RBFOX1: variants seen among roughly 807,000 people sequenced by gnomAD.
The protein encoded by RBFOX1 is RNA binding protein fox-1 homolog 1.
A neutral mutation model predicts 57.7 loss-of-function variants in RBFOX1; 8 were observed. The observed-to-expected ratio is 0.14, with a 90% CI of 0.08 to 0.25. The LOEUF is 0.25. RBFOX1 is among the 10% of genes least tolerant of loss of function. The pLI is 1.00. For missense variants in RBFOX1, 611 were observed against 548.5 expected (o/e 1.11, Z -1.14); for synonymous variants, 326 against 222.4 (o/e 1.47, Z -4.15).
intron 4 of RBFOX1, among the ~76,000 whole-genome samples, chr16:7,464,328 C>G (rs760912807): frequency 5.9e-5 from 9 of 152,236 alleles, no homozygotes; most frequent in Middle Eastern, 3.4e-3. Flanking sequence ...AAAATGATCA[C>G]CATCGCAGGT....
intron 3 of RBFOX1, among the ~76,000 whole-genome samples, chr16:6,869,796 C>G (rs1458642866): frequency 6.6e-6 from 1 of 152,100 alleles, no homozygotes; most frequent in African/African-American, 2.4e-5. Flanking sequence ...TTTCCAATTA[C>G]TTAATTCTGG....
intron 1 of RBFOX1, among the ~76,000 whole-genome samples, chr16:5,267,934 C>G (rs1268365176): frequency 6.6e-6 from 1 of 152,128 alleles, no homozygotes; most frequent in African/African-American, 2.4e-5. Context: ...CAAAAATTAG[C>G]TTGGCATGGT....
At chr16:6,817,699 TC>T in intron 3 of RBFOX1, among the ~76,000 whole-genome samples, 1 of 151,536 alleles carries the variant, frequency 6.6e-6, no homozygotes, top group Non-Finnish European at 1.5e-5. Flanking sequence ...CCAAACTCTG[TC>T]TCAAAGAAAA....
At chr16:6,853,789 G>T (rs2057293510) in intron 3 of RBFOX1, among the ~76,000 whole-genome samples, 1 of 152,130 alleles carries the variant, frequency 6.6e-6, no homozygotes, top group South Asian at 2.1e-4. Context: ...CTCACTTGAA[G>T]AAACCACCGA....
chr16:6,645,641 C>T (rs192498025), intron 2 of RBFOX1, among the ~76,000 whole-genome samples: 3 of 152,158 alleles, frequency 2.0e-5, no homozygotes, highest in Admixed American at 1.3e-4. Flanking sequence ...TCTCAAAGAA[C>T]CTAGAGGCCT....
chr16:5,376,959 C>T (rs1433591462), intron 1 of RBFOX1, among the ~76,000 whole-genome samples: 2 of 150,456 alleles, frequency 1.3e-5, no homozygotes, highest in Non-Finnish European at 3.0e-5. Flanking sequence ...TCCCTCCCTT[C>T]TCCAAGTCTC....
In RBFOX1 at chr16:7,699,055, T is replaced by A. The variant is rs571886284; in HGVS notation, c.996-10001T>A. 1.4e-4 allele frequency among the ~76,000 whole-genome samples: 22 copies of A among 152,306 alleles called. 1 individual carries two copies. Among genetic ancestry groups the A allele is most frequent in the Admixed American group, 1.2e-3 (19 of 15,290 alleles). ...TGTTACAAATGCAGAGCCTGTTTTG[T>A]CGCCTTCCCCTGCCCCTGAGATTCT... On this transcript the variant is annotated intron_variant, in intron 14 of 15. Transcript: ENST00000550418.
At chr16:6,796,783 C>A (rs953985866) in intron 3 of RBFOX1, among the ~76,000 whole-genome samples, 3 of 152,152 alleles carry the variant, frequency 2.0e-5, no homozygotes, top group African/African-American at 7.2e-5. Context: ...CTTCCAACTT[C>A]TTCTATGTCC....
chr16:7,177,257 C>T (rs1167859735), intron 4 of RBFOX1, among the ~76,000 whole-genome samples: 1 of 152,072 alleles, frequency 6.6e-6, no homozygotes, highest in Non-Finnish European at 1.5e-5. Context: ...CTTGATTGTC[C>T]ATGGATAAGA....
chr16:7,092,213 G>C (rs1297831423), intron 4 of RBFOX1, among the ~76,000 whole-genome samples: 1 of 152,076 alleles, frequency 6.6e-6, no homozygotes, highest in Non-Finnish European at 1.5e-5. Context: ...TTTATTAGTA[G>C]GGTTTGTTGT....
chr16:5,705,266 T>A (rs2051199919), intron 3 of RBFOX1, among the ~76,000 whole-genome samples: 1 of 152,160 alleles, frequency 6.6e-6, no homozygotes. Flanking sequence ...GGTTTGTTTT[T>A]ATTTTTTTAG....
At chr16:6,721,728 ATTTG>A (rs2066031129) in intron 3 of RBFOX1, 2 of 151,966 alleles carry the variant, frequency 1.3e-5, no homozygotes, top group Non-Finnish European at 2.9e-5. Context: ...TCATTAATGT[ATTTG>A]TTTAATTAAT....
chr16:6,002,292 C>T (rs1052366724), intron 4 of RBFOX1, among the ~76,000 whole-genome samples: 2 of 152,146 alleles, frequency 1.3e-5, no homozygotes, highest in Non-Finnish European at 2.9e-5. Flanking sequence ...TTTCAACTTA[C>T]GATTGTGTCT....
chr16:5,409,093 A>C (rs1485643969), intron 1 of RBFOX1, among the ~76,000 whole-genome samples: 1 of 152,208 alleles, frequency 6.6e-6, no homozygotes, highest in African/African-American at 2.4e-5. Context: ...GGGTGGGCAT[A>C]ATTTCTGCAG....
Position 6,766,614 on chromosome 16 carries a change from C to T in RBFOX1, c.-16+111964C>T, listed in dbSNP as rs924445599. ...GTCACATGGGACTTGTGAGCACTCA[C>T]AGTCAAGCTAGTGCTACCAAGGAGC... On this transcript the variant is annotated intron_variant, in intron 3 of 15. Coordinates refer to ENST00000550418, the MANE Select transcript of RBFOX1 (RefSeq NM_018723.4). Among the ~76,000 whole-genome samples, 12 of 151,846 alleles carry T rather than the reference C, an allele frequency of 7.9e-5. 1 individual carries two copies. Among genetic ancestry groups the T allele is most frequent in the Admixed American group, 5.3e-4 (8 of 15,206 alleles).
At chr16:5,442,215 T>C (rs2068105817) in intron 1 of RBFOX1, among the ~76,000 whole-genome samples, 1 of 152,168 alleles carries the variant, frequency 6.6e-6, no homozygotes, top group Non-Finnish European at 1.5e-5. Flanking sequence ...GGAACACATT[T>C]GAGGGGGAGG....
chr16:5,800,558 G>T (rs146514364), intron 3 of RBFOX1, among the ~76,000 whole-genome samples: 1 of 152,160 alleles, frequency 6.6e-6, no homozygotes, highest in Non-Finnish European at 1.5e-5. Flanking sequence ...TGGGACAGAT[G>T]ACCAAGGATG....
chr16:5,860,128 G>A (rs1232396562), intron 3 of RBFOX1, among the ~76,000 whole-genome samples: 5 of 152,130 alleles, frequency 3.3e-5, no homozygotes, highest in Non-Finnish European at 7.4e-5. Flanking sequence ...TGTCGCCCAG[G>A]CTGGAGTGCA....
intron 3 of RBFOX1, among the ~76,000 whole-genome samples, chr16:6,871,977 T>C (rs1367795747): frequency 6.8e-6 from 1 of 147,710 alleles, no homozygotes; most frequent in Admixed American, 6.8e-5. Flanking sequence ...CTCGGTAGAG[T>C]ATGGGGATCT....
Sources: gnomAD v4.1 joint callset for allele counts (sites outside exome capture counted in the v4.1 genomes callset) on GRCh38, gnomAD v4.1.1 for gene constraint, MANE v1.5 for transcripts, NCBI Gene and HGNC (gene_info 2026-07-23, HGNC 2026-07-21) for gene names.